The following COL20A1 variants were observed in gnomAD, a reference collection of about 807,000 sequenced individuals.
COL20A1 encodes the protein collagen alpha-1(XX) chain.
Under a neutral mutation model 152.9 loss-of-function variants are expected in COL20A1, and 164 were observed. The observed-to-expected ratio is 1.07, with a 90% CI of 0.94 to 1.22. The LOEUF (loss-of-function observed/expected upper bound fraction) is 1.22, where lower values mean the gene tolerates loss of function less well. Among genes scored for constraint, COL20A1 ranks in the 50% most tolerant of loss-of-function variants. The pLI, the probability that COL20A1 is intolerant of heterozygous loss-of-function variation, is 0.00. For synonymous variants in COL20A1, 864 were observed against 756.0 expected (o/e 1.14, Z -2.34); for missense variants, 1,873 against 1,744.8 (o/e 1.07, Z -1.31).
At chr20:63,318,965 CACTGGG>C (rs1601430450) in intron 21 of COL20A1, 87 bp from the exon 22 acceptor site, 22 of 971,062 alleles carry the variant, frequency 2.3e-5, no homozygotes, top group East Asian at 4.8e-5. Context: ...CAGGGACTGG[CACTGGG>C]GCTGGGGCTG....
In COL20A1 at chr20:63,308,853, C is replaced by T. The variant is rs576650166; in HGVS notation, c.940+147C>T. On this transcript the variant is annotated intron_variant, in intron 8 of 35. Transcript: ENST00000358894. The stretch of plus-strand genomic sequence containing the variant: ...AGCTGCACGCAGAGCCAGGCACCGC[C>T]TGGCACTCAGAGGCGATGGCACAGG... 9 of 777,582 alleles carry T rather than the reference C, an allele frequency of 1.2e-5. No individual in the cohort carries two copies. The African/African-American group carries it at 1.6e-4, about 14-fold the overall frequency. 48.2% of individuals were successfully genotyped at this position (777,582 alleles called of 1,614,324 possible).
rs534627951 is a variant in COL20A1 at position 63,313,057 on chromosome 20, G to T, written c.2077-60G>T. The T allele has an allele frequency of 3.8e-6, 6 of 1,564,556 alleles. No homozygotes were observed. Among genetic ancestry groups the T allele is most frequent in the Non-Finnish European group, 5.2e-6 (6 of 1,154,142 alleles). ...GTCTCCCAGGGATGCCTCACTGCCC[G>T]GCCCCCCAACCTGAGGACCCCACTG... On this transcript the variant is annotated intron_variant, in intron 16 of 35. Coordinates refer to ENST00000358894, the MANE Select transcript of COL20A1 (RefSeq NM_020882.4). This position sits in a 1 kb window ranked among gnomAD's most constrained non-coding sequence, Gnocchi z 5.9.
chr20:63,321,565 T>G (rs907921204), intron 26 of COL20A1, among the ~76,000 whole-genome samples: 24 of 152,312 alleles, frequency 1.6e-4, no homozygotes, highest in African/African-American at 5.5e-4. Flanking sequence ...GGACGGCCAC[T>G]GTCCTGGGTG....
At position 63,332,999 on chromosome 20, in the gene COL20A1, G is replaced by C. The variant is rs1289317564; in HGVS notation, c.*2283G>C. On this transcript the variant is annotated 3_prime_UTR_variant, in exon 36 of 36. Transcript: ENST00000358894. ...GACCTGCACGTCTCCCATCAGCCCC[G>C]ACTCCACCGCATCCCTCTGGGTCCT... The C allele has an allele frequency of 6.6e-6, 1 of 152,072 alleles. No homozygotes were observed. The highest frequency in any genetic ancestry group is 1.5e-5 in the Non-Finnish European group (1 of 68,018). The allele number at this position is 152,072 out of a possible 1,614,324, so 9.4% of individuals were successfully genotyped here. A position where few individuals can be genotyped will look rare whatever the true frequency, so the allele number is the denominator to read the frequency against.
At chr20:63,294,951 C>T (rs2067767465) in intron 1 of COL20A1, 147 bp from the exon 2 acceptor site, 1 of 594,698 alleles carries the variant, frequency 1.7e-6, no homozygotes, top group Non-Finnish European at 3.0e-6. Context: ...AGGTTGCAGG[C>T]CTCTGGTCCT....
chr20:63,313,936 C>T lies in COL20A1; in HGVS notation c.2358+45C>T. The T allele has an allele frequency of 6.3e-7, 1 of 1,582,222 alleles. No homozygotes were observed. The highest frequency in any genetic ancestry group is 1.2e-5 in the South Asian group (1 of 85,794). On this transcript the variant is annotated intron_variant, in intron 18 of 35. Coordinates refer to ENST00000358894, the MANE Select transcript of COL20A1 (RefSeq NM_020882.4). This position sits in a 1 kb window ranked among gnomAD's most constrained non-coding sequence, Gnocchi z 5.9. Reference sequence around the variant, plus strand: ...GAGGCTGCCCCACCTCGTGGGGCCTCCTGGAAGGGGTATGGCCACACTGTC... The same window carrying T: ...GAGGCTGCCCCACCTCGTGGGGCCTTCTGGAAGGGGTATGGCCACACTGTC...
chr20:63,294,228 C>T (rs1191081881), intron 1 of COL20A1, among the ~76,000 whole-genome samples: 5 of 92,558 alleles, frequency 5.4e-5, no homozygotes, highest in South Asian at 3.9e-4. Context: ...TGCAGGGGAA[C>T]GGAGTGCAAG....
intron 31 of COL20A1, 26 bp from the exon 32 acceptor site, chr20:63,327,926 T>C: frequency 6.3e-7 from 1 of 1,581,716 alleles, no homozygotes; most frequent in African/African-American, 1.3e-5. Context: ...CTCTGCTGAC[T>C]TCTTTTCTCT....
At position 63,332,412 on chromosome 20, in the gene COL20A1, A is replaced by T. The variant is rs914759629; in HGVS notation, c.*1696A>T. 3 of 152,186 alleles carry T rather than the reference A, an allele frequency of 2.0e-5. No homozygotes were observed. Among genetic ancestry groups the T allele is most frequent in the Non-Finnish European group, 4.4e-5 (3 of 68,046 alleles). 9.4% of individuals were successfully genotyped at this position (152,186 alleles called of 1,614,324 possible). ...CTCACTTGGTTTCTCCAGGGCGGGG[A>T]ATTACATGTCCCCAGCTGAACTGAG... On this transcript the variant is annotated 3_prime_UTR_variant, in exon 36 of 36. Transcript: ENST00000358894.
chr20:63,324,963 C>T (rs1347096972), intron 27 of COL20A1: 2 of 267,388 alleles, frequency 7.5e-6, no homozygotes, highest in Admixed American at 5.1e-5. Flanking sequence ...CAGCGCCCCC[C>T]ACACCCCGTT....
intron 21 of COL20A1, 99 bp from the exon 22 acceptor site, chr20:63,318,959 G>T (rs897187622): frequency 1.1e-6 from 1 of 921,060 alleles, no homozygotes; most frequent in African/African-American, 1.6e-5. Flanking sequence ...CAGCCTCAGG[G>T]ACTGGCACTG....
chr20:63,325,722 G>A lies in COL20A1; in HGVS notation c.3402+1G>A, dbSNP rs565679332. ...GAGAGTTGGCCTCCAGGGACCAAAG[G>A]TGCCGGCTCTGGGCTTGGAGGGTTC... On this transcript the variant is annotated splice_donor_variant, in intron 29 of 35. Coordinates refer to ENST00000358894, the MANE Select transcript of COL20A1 (RefSeq NM_020882.4). LOFTEE classifies it high-confidence loss of function. 1 of 1,611,824 alleles carries A rather than the reference G, an allele frequency of 6.2e-7. No individual in the cohort carries two copies. The highest frequency in any genetic ancestry group is 1.3e-5 in the African/African-American group (1 of 75,026).
intron 1 of COL20A1, among the ~76,000 whole-genome samples, chr20:63,294,658 C>T (rs910522331): frequency 1.3e-5 from 2 of 152,172 alleles, no homozygotes; most frequent in African/African-American, 4.8e-5. Flanking sequence ...GAGGCTGGGG[C>T]CACAGGGACT....
intron 5 of COL20A1, among the ~76,000 whole-genome samples, chr20:63,307,083 C>T (rs1412390275): frequency 6.6e-6 from 1 of 152,254 alleles, no homozygotes; most frequent in Non-Finnish European, 1.5e-5. Context: ...TCCTGCAAAA[C>T]CCCGGGGAGC....
chr20:63,308,568 C>T lies in COL20A1; in HGVS notation c.802C>T (p.Gln268Ter). Residue 268 changes from glutamine to a stop codon, truncating the protein, a stop_gained, in exon 8 of 36, where the codon CAG (glutamine) becomes TAG (stop). Coordinates refer to ENST00000358894, the MANE Select transcript of COL20A1 (RefSeq NM_020882.4). LOFTEE classifies it high-confidence loss of function. ...CCTTGCCCTGACCCACGTGCTGGGG[C>T]AGAACCTGCAGCCGGCGGCTGGCCT... Reference protein sequence around the residue: ...TGLALTHVLGQNLQPAAGLRP... With the variant: ...TGLALTHVLG 6.2e-7 allele frequency: 1 copy of T among 1,604,878 alleles called. No individual in the cohort carries two copies. Among genetic ancestry groups the T allele is most frequent in the Non-Finnish European group, 8.5e-7 (1 of 1,176,252 alleles).
Position 63,305,005 on chromosome 20 carries a change from C to T in COL20A1, c.194-412C>T, listed in dbSNP as rs951636367. Reference sequence around the variant, plus strand: ...AGAAAATACTTGCGGCTGGTCGGTCCGTGCAGCCCATAGGGTAGGAGCCTG... The same window carrying T: ...AGAAAATACTTGCGGCTGGTCGGTCTGTGCAGCCCATAGGGTAGGAGCCTG... On this transcript the variant is annotated intron_variant, in intron 3 of 35. Coordinates refer to ENST00000358894, the MANE Select transcript of COL20A1 (RefSeq NM_020882.4). This position sits in a 1 kb window ranked among gnomAD's most constrained non-coding sequence, Gnocchi z 4.9. 2.0e-5 allele frequency among the ~76,000 whole-genome samples: 3 copies of T among 152,166 alleles called. No individual in the cohort carries two copies. The highest frequency in any genetic ancestry group is 1.3e-4 in the Admixed American group (2 of 15,286).
chr20:63,319,389 C>G lies in COL20A1; in HGVS notation c.2807-98C>G. The G allele has an allele frequency of 8.9e-7, 1 of 1,126,660 alleles. No individual in the cohort carries two copies. The highest frequency in any genetic ancestry group is 1.5e-5 in the South Asian group (1 of 66,654). 69.8% of individuals were successfully genotyped at this position (1,126,660 alleles called of 1,614,324 possible). A position where few individuals can be genotyped will look rare whatever the true frequency, so the allele number is the denominator to read the frequency against. On this transcript the variant is annotated intron_variant, in intron 22 of 35. Transcript: ENST00000358894. This position sits in a 1 kb window ranked among gnomAD's most constrained non-coding sequence, Gnocchi z 4.4. Reference sequence around the variant, plus strand: ...AGGGTCACCTCCAGCTTGGCACCCTCAGGGCTGCTCCTGTCCTGTCGTGGG... The same window carrying G: ...AGGGTCACCTCCAGCTTGGCACCCTGAGGGCTGCTCCTGTCCTGTCGTGGG...
intron 9 of COL20A1, 66 bp downstream of exon 9, chr20:63,309,563 G>GA: frequency 7.1e-7 from 1 of 1,399,846 alleles, no homozygotes; most frequent in South Asian, 1.5e-5. Context: ...GGGTTGGGGG[G>GA]ACGCTGTGGC....
chr20:63,307,667 C>T lies in COL20A1; in HGVS notation c.655+19C>T, dbSNP rs374805035. 590 of 1,604,712 alleles carry T rather than the reference C, an allele frequency of 3.7e-4. 7 individuals are homozygous for T. The South Asian group carries it at 5.7e-3, about 15-fold the overall frequency. ...CAAGTAGGTGGGTGCTGGCCCGGCC[C>T]GCCTCCTGCCCCACCCGGGTGTGGT... On this transcript the variant is annotated intron_variant, in intron 6 of 35. Coordinates refer to ENST00000358894, the MANE Select transcript of COL20A1 (RefSeq NM_020882.4).
Sources: gnomAD v4.1 joint callset for allele counts (sites outside exome capture counted in the v4.1 genomes callset) on GRCh38, gnomAD v4.1.1 for gene constraint, Gnocchi (gnomAD v3.1) non-coding constraint, MANE v1.5 for transcripts, NCBI Gene and HGNC (gene_info 2026-07-23, HGNC 2026-07-21) for gene names.